Variants in MCUB observed in about 807,000 individuals in gnomAD.
MCUB encodes mitochondrial calcium uniporter dominant negative subunit beta, also known as calcium uniporter regulatory subunit MCUb, mitochondrial.
A neutral mutation model predicts 41.4 loss-of-function variants in MCUB; 46 were observed. The observed-to-expected ratio is 1.11, with a 90% CI of 0.88 to 1.42. The LOEUF (loss-of-function observed/expected upper bound fraction) is 1.42. Ranked by LOEUF, MCUB falls within the 40% of genes most tolerant of loss-of-function variation. MCUB has a pLI of 0.00. For missense variants in MCUB, 403 were observed against 404.9 expected (o/e 1.00, Z 0.04); for synonymous variants, 148 against 148.2 (o/e 1.00, Z 0.01).
At chr4:109,628,780 C>T (rs1728414559) in intron 1 of MCUB, among the ~76,000 whole-genome samples, 4 of 152,174 alleles carry the variant, frequency 2.6e-5, no homozygotes, top group Admixed American at 2.6e-4. Flanking sequence ...TGAGAGAGGG[C>T]AAAGTGAGGT....
chr4:109,597,625 C>G (rs574484087), intron 1 of MCUB, among the ~76,000 whole-genome samples: 1 of 139,936 alleles, frequency 7.1e-6, no homozygotes, highest in Admixed American at 7.0e-5. Flanking sequence ...GGCAGCTGGC[C>G]GGGCGGGGGG....
intron 1 of MCUB, among the ~76,000 whole-genome samples, chr4:109,652,068 G>A (rs946703318): frequency 1.1e-4 from 17 of 152,176 alleles, no homozygotes; most frequent in Admixed American, 3.9e-4. Context: ...TTTTGTAAAT[G>A]GCTGTCTTCT....
chr4:109,560,540 G>T (rs1726597481), intron 1 of MCUB, 104 bp downstream of exon 1: 3 of 537,876 alleles, frequency 5.6e-6, no homozygotes, highest in Non-Finnish European at 8.5e-6. Flanking sequence ...GCAGTCAACT[G>T]CGTTTTGCTG....
intron 4 of MCUB, among the ~76,000 whole-genome samples, chr4:109,677,094 G>T (rs1196542105): frequency 6.6e-6 from 1 of 152,244 alleles, no homozygotes; most frequent in Non-Finnish European, 1.5e-5. Flanking sequence ...CCCTGCCTTA[G>T]TGTATCCACA....
chr4:109,563,317 G>A (rs1390237634), intron 1 of MCUB, among the ~76,000 whole-genome samples: 2 of 152,134 alleles, frequency 1.3e-5, no homozygotes, highest in African/African-American at 4.8e-5. Flanking sequence ...TAAGTATCGA[G>A]TATGCTTTTT....
At chr4:109,681,959 T>C (rs141634251) in intron 4 of MCUB, among the ~76,000 whole-genome samples, 3,670 of 152,330 alleles carry the variant, frequency 0.024, 68 homozygotes, top group Non-Finnish European at 0.039. Context: ...CATTGCTGGC[T>C]CGAATGCCTG....
intron 4 of MCUB, among the ~76,000 whole-genome samples, chr4:109,665,996 AAG>A (rs1190874861): frequency 6.6e-6 from 1 of 152,056 alleles, no homozygotes; most frequent in Non-Finnish European, 1.5e-5. Flanking sequence ...GGGGGAAAGG[AAG>A]AGAGAGCAAA....
intron 1 of MCUB, among the ~76,000 whole-genome samples, chr4:109,565,441 C>T (rs1434389515): frequency 1.3e-5 from 2 of 152,184 alleles, no homozygotes; most frequent in African/African-American, 2.4e-5. Flanking sequence ...ACCAATGTTT[C>T]ATCAACCTCT....
chr4:109,565,951 C>T (rs1726765651), intron 1 of MCUB, among the ~76,000 whole-genome samples: 1 of 151,576 alleles, frequency 6.6e-6, no homozygotes, highest in South Asian at 2.1e-4. Context: ...GATCCTCCCA[C>T]CTCACCCTCC....
At chr4:109,643,278 G>A (rs1471761281) in intron 1 of MCUB, among the ~76,000 whole-genome samples, 3 of 138,010 alleles carry the variant, frequency 2.2e-5, no homozygotes, top group Non-Finnish European at 1.6e-5. Flanking sequence ...TTCTGCCTCC[G>A]GATTCAAGCA....
At position 109,612,109 on chromosome 4, in the gene MCUB, C is replaced by G. The variant is rs75587022; in HGVS notation, c.100-46902C>G. On this transcript the variant is annotated intron_variant, in intron 1 of 7. Transcript: ENST00000394650. ...CTTATAAAGAGACATTTATTTCTCA[C>G]ATTCCCGGAGGCTGGAAAGTCCAAC... is the stretch of plus-strand genomic sequence containing the variant. Among the ~76,000 whole-genome samples the G allele has an allele frequency of 3.3e-5, 5 of 152,260 alleles. No individual in the cohort carries two copies. The East Asian group carries it at 9.6e-4, about 29-fold the overall frequency.
rs1195049690 is a variant in MCUB, at chr4:109,596,562, C to T, written c.99+36126C>T. 3.3e-5 allele frequency among the ~76,000 whole-genome samples: 5 copies of T among 152,124 alleles called. No individual in the cohort carries two copies. The East Asian group carries it at 9.6e-4, about 29-fold the overall frequency. ...GCAGTTGCCATCCACAGTCCCTTCT[C>T]ATTATCATCAGCATGGCAAAGCAGG... On this transcript the variant is annotated intron_variant, in intron 1 of 7. Coordinates refer to ENST00000394650, the MANE Select transcript of MCUB (RefSeq NM_017918.5).
intron 1 of MCUB, among the ~76,000 whole-genome samples, chr4:109,617,163 C>G (rs1460962540): frequency 1.3e-5 from 2 of 152,182 alleles, no homozygotes; most frequent in Non-Finnish European, 2.9e-5. Context: ...CAATTTGCCT[C>G]AACTCTGGCA....
chr4:109,585,624 G>A (rs1161690122), intron 1 of MCUB, among the ~76,000 whole-genome samples: 1 of 152,190 alleles, frequency 6.6e-6, no homozygotes, highest in East Asian at 1.9e-4. Context: ...TCCTTCAGGA[G>A]CTCTTTCAAG....
In MCUB at chr4:109,620,166, G is replaced by T. The variant is rs1002132876; in HGVS notation, c.100-38845G>T. On this transcript the variant is annotated intron_variant, in intron 1 of 7. Transcript: ENST00000394650. ...CTGTTCCTTCTCGTTTTGCTTACAG[G>T]CACAACCAATGTCAGACAGATGCCT... is the stretch of plus-strand genomic sequence containing the variant. Among the ~76,000 whole-genome samples the T allele has an allele frequency of 2.0e-5, 3 of 151,994 alleles. No individual in the cohort carries two copies. The East Asian group carries it at 5.8e-4, about 29-fold the overall frequency.
chr4:109,639,362 T>C (rs1011190108), intron 1 of MCUB, among the ~76,000 whole-genome samples: 32 of 151,726 alleles, frequency 2.1e-4, no homozygotes, highest in East Asian at 9.7e-4. Context: ...TTTTTTTTTT[T>C]CCCCCTGAGC....
intron 4 of MCUB, among the ~76,000 whole-genome samples, chr4:109,670,447 G>A (rs1158786462): frequency 6.6e-6 from 1 of 152,202 alleles, no homozygotes; most frequent in African/African-American, 2.4e-5. Flanking sequence ...GCCAGGCGCA[G>A]TGGTTCATGC....
At chr4:109,622,183 G>C (rs1042794697) in intron 1 of MCUB, among the ~76,000 whole-genome samples, 3 of 151,952 alleles carry the variant, frequency 2.0e-5, no homozygotes, top group Non-Finnish European at 4.4e-5. Flanking sequence ...TGCCTGGTGA[G>C]CATTTTTAAT....
chr4:109,599,549 C>G (rs1727679068), intron 1 of MCUB, among the ~76,000 whole-genome samples: 1 of 152,042 alleles, frequency 6.6e-6, no homozygotes, highest in African/African-American at 2.4e-5. Flanking sequence ...TTTGCTGGAT[C>G]CTGTGAGTGA....
Sources: allele counts gnomAD v4.1 joint callset (sites outside exome capture counted in the v4.1 genomes callset), GRCh38; gene constraint gnomAD v4.1.1; transcripts MANE v1.5; gene names NCBI Gene and HGNC (gene_info 2026-07-23, HGNC 2026-07-21).